The following NDUFAF6 variants were observed in gnomAD, a reference collection of about 807,000 sequenced individuals.
NDUFAF6 encodes the protein NADH dehydrogenase (ubiquinone) complex I, assembly factor 6.
A neutral mutation model predicts 40.8 loss-of-function variants in NDUFAF6; 45 were observed. The ratio of observed to expected loss-of-function variants is 1.10; its 90% CI spans 0.87 to 1.42. NDUFAF6 has a LOEUF of 1.42. Ranked by LOEUF, NDUFAF6 falls within the 40% of genes most tolerant of loss-of-function variation. The pLI, the probability that NDUFAF6 is intolerant of heterozygous loss-of-function variation, is 0.00. For missense variants in NDUFAF6, 435 were observed against 418.5 expected (o/e 1.04, Z -0.34); for synonymous variants, 185 against 155.9 (o/e 1.19, Z -1.39).
At chr8:95,023,254 C>G (rs1399173643), upstream of NDUFAF6, 1 of 152,180 alleles carries the variant, frequency 6.6e-6, no homozygotes, top group Admixed American at 6.5e-5. Context: ...TGTCCTGGAC[C>G]AGTCACTGGT....
At chr8:95,051,773 AAGGTCAGGG>A (rs1307944573) in intron 7 of NDUFAF6, among the ~76,000 whole-genome samples, 1 of 152,156 alleles carries the variant, frequency 6.6e-6, no homozygotes, top group Non-Finnish European at 1.5e-5. Flanking sequence ...GAACGAATTA[AAGGTCAGGG>A]AACACAGGCA....
rs1019737536 is a variant in NDUFAF6, at chr8:94,960,393, T to C, written c.-199+2214T>C. On this transcript the variant is annotated intron_variant, in intron 1 of 9. Coordinates refer to the NDUFAF6 transcript ENST00000396111. ...GGTTATCTGAAGGCAAATGTAGATA[T>C]GACTGGGACTTCCCTGGTGCCTCGT... 7.9e-5 allele frequency among the ~76,000 whole-genome samples: 12 copies of C among 151,562 alleles called. No individual in the cohort carries two copies. The Admixed American group carries it at 7.9e-4, about 10-fold the overall frequency.
At chr8:95,082,045 CAG>C (rs1297479886) in intron 2 of NDUFAF6, among the ~76,000 whole-genome samples, 2 of 151,840 alleles carry the variant, frequency 1.3e-5, no homozygotes, top group African/African-American at 2.4e-5. Flanking sequence ...GCCTGGGTGA[CAG>C]AGTGAGACTC....
chr8:94,933,589 A>G (rs1166965582), intron 1 of NDUFAF6, among the ~76,000 whole-genome samples: 1 of 151,876 alleles, frequency 6.6e-6, no homozygotes, highest in African/African-American at 2.4e-5. Context: ...ACATGGTGAA[A>G]CCCTGTCTCT....
chr8:94,928,086 C>T (rs1380557908), intron 1 of NDUFAF6: 1 of 151,856 alleles, frequency 6.6e-6, no homozygotes, highest in Admixed American at 6.6e-5. Flanking sequence ...CTTACATGTG[C>T]CAATTTTAGG....
chr8:94,968,672 T>C (rs181018697), intron 1 of NDUFAF6, among the ~76,000 whole-genome samples: 65 of 152,294 alleles, frequency 4.3e-4, no homozygotes, highest in African/African-American at 1.5e-3. Context: ...TGGAAGGTTC[T>C]GCACAGGGGT....
intron 2 of NDUFAF6, among the ~76,000 whole-genome samples, chr8:94,946,724 A>G (rs139676141): frequency 3.4e-5 from 5 of 147,462 alleles, no homozygotes; most frequent in Non-Finnish European, 7.5e-5. Flanking sequence ...AAAAAAAGAC[A>G]GGCCCTGGAG....
At chr8:94,976,532 G>C (rs1030087792) in intron 1 of NDUFAF6, among the ~76,000 whole-genome samples, 3 of 146,114 alleles carry the variant, frequency 2.1e-5, no homozygotes, top group African/African-American at 7.5e-5. Context: ...AAATTAGCTG[G>C]GTGCGGTGGT....
chr8:94,997,361 G>GAC (rs1563779018), intron 2 of NDUFAF6, among the ~76,000 whole-genome samples: 1 of 147,760 alleles, frequency 6.8e-6, no homozygotes, highest in Non-Finnish European at 1.5e-5. Flanking sequence ...GAGAGAGAGA[G>GAC]AGAGACAGAG....
chr8:95,037,278 C>T (rs1829614058), intron 3 of NDUFAF6, among the ~76,000 whole-genome samples: 1 of 152,062 alleles, frequency 6.6e-6, no homozygotes, highest in East Asian at 1.9e-4. Flanking sequence ...ACTTTTTTAC[C>T]TTGGTCTCCG....
At chr8:95,007,013 C>T (rs548520591) in intron 2 of NDUFAF6, among the ~76,000 whole-genome samples, 7 of 150,454 alleles carry the variant, frequency 4.7e-5, no homozygotes, top group African/African-American at 1.2e-4. Flanking sequence ...AAAAAGCATA[C>T]GTTGAATTTT....
At chr8:94,980,454 T>G (rs1215750820) in intron 1 of NDUFAF6, among the ~76,000 whole-genome samples, 1 of 145,872 alleles carries the variant, frequency 6.9e-6, no homozygotes, top group South Asian at 2.2e-4. Flanking sequence ...TTTTTTTTTT[T>G]TTTTTTTTGA....
At chr8:94,967,534 G>A (rs1824103226) in intron 1 of NDUFAF6, among the ~76,000 whole-genome samples, 1 of 152,098 alleles carries the variant, frequency 6.6e-6, no homozygotes, top group African/African-American at 2.4e-5. Context: ...GAAACTCAGA[G>A]GCTTAAAACA....
At chr8:94,902,326 C>A (rs1818076387) in intron 1 of NDUFAF6, among the ~76,000 whole-genome samples, 1 of 150,284 alleles carries the variant, frequency 6.7e-6, no homozygotes, top group African/African-American at 2.5e-5. Context: ...AGCTAAGGCA[C>A]AAGAATTGCT....
chr8:95,115,218 C>T (rs1382265447), intron 4 of NDUFAF6, among the ~76,000 whole-genome samples: 4 of 152,100 alleles, frequency 2.6e-5, no homozygotes, highest in African/African-American at 9.7e-5. Flanking sequence ...AAAAGTTTGT[C>T]TTGAACACCT....
chr8:94,934,151 A>G (rs79902434), intron 1 of NDUFAF6, among the ~76,000 whole-genome samples: 5 of 10,906 alleles, frequency 4.6e-4, no homozygotes, highest in Non-Finnish European at 3.3e-3. Flanking sequence ...CAGGCACAGA[A>G]AAAAAAAAAC....
At chr8:94,922,328 G>A (rs758852300) in intron 1 of NDUFAF6, among the ~76,000 whole-genome samples, 6 of 151,728 alleles carry the variant, frequency 4.0e-5, no homozygotes, top group Non-Finnish European at 8.8e-5. Flanking sequence ...GTTTCAATAA[G>A]CGCTGCAGGA....
upstream of NDUFAF6, among the ~76,000 whole-genome samples, chr8:95,021,348 C>T (rs1827686222): frequency 6.6e-6 from 1 of 152,152 alleles, no homozygotes; most frequent in Admixed American, 6.5e-5. Context: ...ATTTTGTTTG[C>T]CAAATGGAAA....
At chr8:94,930,309 G>T in intron 1 of NDUFAF6, 1 of 879,420 alleles carries the variant, frequency 1.1e-6, no homozygotes, top group Non-Finnish European at 1.7e-6. Flanking sequence ...GGCATTATGT[G>T]ATACACAGCA....
Sources: gnomAD v4.1 joint callset for allele counts (sites outside exome capture counted in the v4.1 genomes callset) on GRCh38, gnomAD v4.1.1 for gene constraint, MANE v1.5 for transcripts, NCBI Gene and HGNC (gene_info 2026-07-23, HGNC 2026-07-21) for gene names.